The following CPT1C variants were observed in gnomAD, a reference collection of about 807,000 sequenced individuals.
The protein encoded by CPT1C is palmitoyl thioesterase CPT1C.
A neutral mutation model predicts 97.3 loss-of-function variants in CPT1C; 61 were observed. The observed-to-expected ratio is 0.63, with a 90% CI of 0.51 to 0.78. The LOEUF is 0.78. Among genes scored for constraint, CPT1C ranks in the 30% least tolerant of loss-of-function variants. The probability of loss-of-function intolerance (pLI) is 0.00; values close to 1 mark genes in which losing one functional copy is unlikely to be tolerated. For synonymous variants in CPT1C, 469 were observed against 447.2 expected, an observed-to-expected ratio of 1.05 and a Z score of -0.61; for missense variants, 975 against 1,065.5, an observed-to-expected ratio of 0.92 and a Z score of 1.18.
Position 49,705,897 on chromosome 19 carries a change from C to T in CPT1C, c.965-12C>T, listed in dbSNP as rs758576236. 5.0e-6 allele frequency: 8 copies of T among 1,602,366 alleles called. No individual in the cohort carries two copies. Among genetic ancestry groups the T allele is most frequent in the South Asian group, 2.2e-5 (2 of 90,294 alleles). On this transcript the variant is annotated splice_polypyrimidine_tract_variant and intron_variant, in intron 10 of 19. Coordinates refer to ENST00000598293, the MANE Select transcript of CPT1C (RefSeq NM_001199753.2). ...CTTCCTGCCCCCATGCTTCTGCCAA[C>T]GCCACCCCTAGACTACATCCGCCAC...
intron 7 of CPT1C, among the ~76,000 whole-genome samples, chr19:49,703,595 CCCTTCCTTCCTT>C (rs1217261016): frequency 1.3e-5 from 1 of 75,818 alleles, no homozygotes. Flanking sequence ...CTCCCTCCCT[CCCTTCCTTCCTT>C]CCTTCCTTCC....
Position 49,692,323 on chromosome 19 carries a change from G to C in CPT1C, c.71G>C (p.Ser24Thr). ...LTSDGAEVEL[S>T]APVLQEIYLS... ...TCGGACGGGGCTGAAGTGGAACTCA[G>C]TGCCCCTGTGCTGCAGGAGATCTAC... Residue 24 changes from serine (S) to threonine (T), a missense_variant, in exon 3 of 20, where the codon AGT becomes ACT. Transcript: ENST00000598293. 6.2e-6 allele frequency: 10 copies of C among 1,614,120 alleles called. No individual in the cohort carries two copies. The highest frequency in any genetic ancestry group is 8.5e-6 in the Non-Finnish European group (10 of 1,180,018).
chr19:49,707,264 G>A (rs1353280437), intron 12 of CPT1C, among the ~76,000 whole-genome samples: 2 of 151,932 alleles, frequency 1.3e-5, no homozygotes, highest in Admixed American at 6.6e-5. Context: ...CAGCCTGGGC[G>A]ACAAGAGTGA....
chr19:49,700,593 A>G (rs2082954994), intron 4 of CPT1C, 91 bp from the exon 5 acceptor site: 10 of 1,418,972 alleles, frequency 7.0e-6, no homozygotes, highest in Admixed American at 3.9e-5. Flanking sequence ...CTGACAGCCA[A>G]AAGATCAGCG....
chr19:49,701,876 AT>A (rs2083090130), intron 7 of CPT1C, among the ~76,000 whole-genome samples: 1 of 112,514 alleles, frequency 8.9e-6, no homozygotes, highest in African/African-American at 3.4e-5. Flanking sequence ...TAGTGTATAT[AT>A]AAATATATAT....
At chr19:49,709,617 C>A (rs539469095) in intron 14 of CPT1C, among the ~76,000 whole-genome samples, 4 of 150,490 alleles carry the variant, frequency 2.7e-5, no homozygotes, top group Admixed American at 6.6e-5. Context: ...TGCAATGACA[C>A]GATCTCAGTT....
At chr19:49,694,828 C>G (rs1011099050) in intron 3 of CPT1C, among the ~76,000 whole-genome samples, 1 of 151,934 alleles carries the variant, frequency 6.6e-6, no homozygotes, top group East Asian at 1.9e-4. Flanking sequence ...GGCCAGTCTA[C>G]CAACTAAAGT....
intron 13 of CPT1C, 75 bp from the exon 14 acceptor site, chr19:49,708,648 T>C: frequency 9.3e-7 from 1 of 1,072,604 alleles, no homozygotes. Flanking sequence ...AAGGGCTGCA[T>C]GAAAAGAGGT....
intron 3 of CPT1C, 25 bp downstream of exon 3, chr19:49,692,418 C>CCTTCCGGGGATCCAGGTTTCTG: frequency 6.2e-7 from 1 of 1,611,364 alleles, no homozygotes; most frequent in South Asian, 1.1e-5. Context: ...TGGTCGGTTT[C>CCTTCCGGGGATCCAGGTTTCTG]CTTCCGGGGA....
chr19:49,701,877 T>G (rs193094733), intron 7 of CPT1C, among the ~76,000 whole-genome samples: 5 of 110,370 alleles, frequency 4.5e-5, no homozygotes, highest in Non-Finnish European at 9.0e-5. Context: ...AGTGTATATA[T>G]AAATATATAT....
At chr19:49,695,449 A>G (rs923792427) in intron 3 of CPT1C, among the ~76,000 whole-genome samples, 4 of 151,416 alleles carry the variant, frequency 2.6e-5, no homozygotes, top group African/African-American at 9.7e-5. Context: ...AGGCCCGGCT[A>G]ATTTTTTGTA....
intron 4 of CPT1C, among the ~76,000 whole-genome samples, chr19:49,699,791 A>C (rs1288450162): frequency 6.6e-6 from 1 of 152,084 alleles, no homozygotes; most frequent in Non-Finnish European, 1.5e-5. Flanking sequence ...CCTCTCTACT[A>C]AAAATGCAAA....
At chr19:49,693,710 G>T (rs1218199524) in intron 3 of CPT1C, among the ~76,000 whole-genome samples, 1 of 151,596 alleles carries the variant, frequency 6.6e-6, no homozygotes, top group Admixed American at 6.6e-5. Context: ...GATCACTTGA[G>T]CCCAGGACTT....
Position 49,705,068 on chromosome 19 carries a change from CCCT to C in CPT1C, c.840_842del (p.Leu281del). ...GCTCGCGCTGGGAATGCCGTCCATG[CCCT>C]CCTCCTGTACCGCCACCGCCTGAAC... On this transcript the variant is annotated inframe_deletion, in exon 9 of 20. Coordinates refer to ENST00000598293, the MANE Select transcript of CPT1C (RefSeq NM_001199753.2). 1.2e-6 allele frequency: 2 copies of C among 1,613,576 alleles called. No individual in the cohort carries two copies. The highest frequency in any genetic ancestry group is 1.7e-6 in the Non-Finnish European group (2 of 1,179,734).
At chr19:49,695,525 T>C (rs181215714) in intron 3 of CPT1C, among the ~76,000 whole-genome samples, 1 of 150,358 alleles carries the variant, frequency 6.7e-6, no homozygotes, top group Non-Finnish European at 1.5e-5. Flanking sequence ...TCTCAGGTGA[T>C]CCACCCGCCT....
rs2082326400 is a variant in CPT1C, at chr19:49,691,127, T to TA, written c.-296dup. On this transcript the variant is annotated 5_prime_UTR_variant, in exon 1 of 20. Coordinates refer to ENST00000598293, the MANE Select transcript of CPT1C (RefSeq NM_001199753.2). ...AAAACCCGGGACCTGAATACCCGGC[T>TA]AGGGACACGAGAGAGAGGAATCGGG... 1 of 150,508 alleles carries TA rather than the reference T, an allele frequency of 6.6e-6. No individual in the cohort carries two copies. Among genetic ancestry groups the TA allele is most frequent in the Admixed American group, 6.6e-5 (1 of 15,102 alleles). 9.3% of individuals were successfully genotyped at this position (150,508 alleles called of 1,614,324 possible). A position where few individuals can be genotyped will look rare whatever the true frequency, so the allele number is the denominator to read the frequency against.
At chr19:49,702,959 T>C (rs2083268806) in intron 7 of CPT1C, among the ~76,000 whole-genome samples, 1 of 152,094 alleles carries the variant, frequency 6.6e-6, no homozygotes, top group Non-Finnish European at 1.5e-5. Flanking sequence ...GAAGCCTCAG[T>C]TGGTCAAACC....
chr19:49,705,900 C>T lies in CPT1C; in HGVS notation c.965-9C>T, dbSNP rs1287667595. The T allele has an allele frequency of 2.5e-6, 4 of 1,602,800 alleles. No homozygotes were observed. In the East Asian group the frequency reaches 9.0e-5, roughly 36 times the overall value. On this transcript the variant is annotated splice_polypyrimidine_tract_variant and intron_variant, in intron 10 of 19. Coordinates refer to ENST00000598293, the MANE Select transcript of CPT1C (RefSeq NM_001199753.2). ...CCTGCCCCCATGCTTCTGCCAACGC[C>T]ACCCCTAGACTACATCCGCCACCTC...
chr19:49,700,386 C>G (rs1216142589), intron 4 of CPT1C, among the ~76,000 whole-genome samples: 2 of 152,128 alleles, frequency 1.3e-5, no homozygotes, highest in African/African-American at 4.8e-5. Context: ...GCCACAGTTT[C>G]AGAACTATTG....
Sources: gnomAD v4.1 joint callset for allele counts (sites outside exome capture counted in the v4.1 genomes callset) on GRCh38, gnomAD v4.1.1 for gene constraint, MANE v1.5 for transcripts, NCBI Gene and HGNC (gene_info 2026-07-23, HGNC 2026-07-21) for gene names.